CLVS1: variants seen among roughly 807,000 people sequenced by gnomAD.
The protein encoded by CLVS1 is clavesin-1.
In CLVS1, 10 loss-of-function variants were observed where a neutral mutation model predicts 33.1. That is an observed-to-expected ratio of 0.30 (90% CI 0.19 to 0.51). The LOEUF (loss-of-function observed/expected upper bound fraction) is 0.51. Ranked by LOEUF, CLVS1 falls within the 20% of genes least tolerant of loss-of-function variation. The probability of loss-of-function intolerance (pLI) is 0.97; values close to 1 mark genes in which losing one functional copy is unlikely to be tolerated. For synonymous variants in CLVS1, 163 were observed against 166.1 expected, an observed-to-expected ratio of 0.98 and a Z score of 0.14; for missense variants, 343 against 433.4, an observed-to-expected ratio of 0.79 and a Z score of 1.85.
chr8:61,204,742 G>A (rs575934032), intron 2 of CLVS1, among the ~76,000 whole-genome samples: 2 of 152,124 alleles, frequency 1.3e-5, no homozygotes, highest in Non-Finnish European at 2.9e-5. Flanking sequence ...GCTCTCACAG[G>A]TCAGGTTATT....
At chr8:60,980,932 C>T in the CLVS1 span, among the ~76,000 whole-genome samples, 6 of 152,172 alleles carry the variant, frequency 3.9e-5, no homozygotes, top group African/African-American at 1.4e-4. Flanking sequence ...AGAGGACACA[C>T]AGAAGAGGAG....
chr8:61,440,833 C>CT (rs1816512631), intron 3 of CLVS1, among the ~76,000 whole-genome samples: 1 of 152,208 alleles, frequency 6.6e-6, no homozygotes, highest in African/African-American at 2.4e-5. Flanking sequence ...TCAACAGTGC[C>CT]TTCTAGGAAC....
intron 2 of CLVS1, among the ~76,000 whole-genome samples, chr8:61,279,893 G>A (rs749542228): frequency 4.6e-5 from 7 of 152,102 alleles, no homozygotes; most frequent in Non-Finnish European, 1.0e-4. Context: ...TTGTCATTAG[G>A]AGAAATGAGA....
chr8:61,297,445 G>A (rs369658131), intron 1 of CLVS1, among the ~76,000 whole-genome samples: 6 of 152,182 alleles, frequency 3.9e-5, no homozygotes, highest in African/African-American at 9.6e-5. Flanking sequence ...GATAGTGGGC[G>A]ATAAGAGGGA....
chr8:61,482,345 G>C (rs1818225938), intron 5 of CLVS1, among the ~76,000 whole-genome samples: 1 of 152,242 alleles, frequency 6.6e-6, no homozygotes, highest in Non-Finnish European at 1.5e-5. Context: ...AAGCTGGATG[G>C]AGAATGACTT....
At chr8:61,083,757 A>T (rs1805068913) in intron 1 of CLVS1, among the ~76,000 whole-genome samples, 1 of 152,194 alleles carries the variant, frequency 6.6e-6, no homozygotes, top group Non-Finnish European at 1.5e-5. Flanking sequence ...AAATTTCAGA[A>T]GAAGAAAAAA....
intron 2 of CLVS1, among the ~76,000 whole-genome samples, chr8:61,199,561 C>T (rs1339880454): frequency 6.6e-6 from 1 of 152,102 alleles, no homozygotes; most frequent in Non-Finnish European, 1.5e-5. Flanking sequence ...AATAAGATAC[C>T]ACCTTACTCC....
the CLVS1 span, among the ~76,000 whole-genome samples, chr8:60,969,847 A>G: frequency 1.4e-4 from 22 of 152,224 alleles, no homozygotes; most frequent in Non-Finnish European, 2.6e-4. Flanking sequence ...CTATCTATAG[A>G]GCCTTTACAT....
At chr8:61,326,686 C>T (rs542589373) in intron 2 of CLVS1, among the ~76,000 whole-genome samples, 1 of 152,102 alleles carries the variant, frequency 6.6e-6, no homozygotes, top group Non-Finnish European at 1.5e-5. Context: ...CCACAGAAAC[C>T]AAATCCTCTT....
chr8:61,355,158 A>G (rs1290341972), intron 2 of CLVS1, among the ~76,000 whole-genome samples: 1 of 152,168 alleles, frequency 6.6e-6, no homozygotes, highest in African/African-American at 2.4e-5. Context: ...TTGCAGCAAC[A>G]TCAATTGGTC....
the CLVS1 span, among the ~76,000 whole-genome samples, chr8:61,015,244 G>C: frequency 1.3e-5 from 2 of 152,198 alleles, no homozygotes; most frequent in Non-Finnish European, 2.9e-5. Context: ...AAACCTATGA[G>C]GTATTTACTA....
rs751629434 is a variant in CLVS1, at chr8:61,396,594, A to G, written c.630+19815A>G. ...AAGTGCACAGTTAGTGCTTTTTGGT[A>G]TATTCACCGTTGTGTAACCATCATC... On this transcript the variant is annotated intron_variant, in intron 3 of 5. Transcript: ENST00000325897. Among the ~76,000 whole-genome samples the G allele has an allele frequency of 1.1e-3, 169 of 152,160 alleles. 1 individual carries two copies. Among genetic ancestry groups the G allele is most frequent in the Non-Finnish European group, 2.0e-3 (133 of 67,998 alleles).
intron 2 of CLVS1, among the ~76,000 whole-genome samples, chr8:61,150,259 C>T (rs1025913654): frequency 6.6e-6 from 1 of 152,250 alleles, no homozygotes; most frequent in South Asian, 2.1e-4. Flanking sequence ...CCCAGGAATG[C>T]CTCACTTCTG....
chr8:61,317,308 A>T (rs1292911887), intron 2 of CLVS1, among the ~76,000 whole-genome samples: 1 of 152,176 alleles, frequency 6.6e-6, no homozygotes, highest in East Asian at 1.9e-4. Flanking sequence ...CAAGTGAGTC[A>T]AATGCTGGGG....
chr8:61,269,894 C>T lies in CLVS1; in HGVS notation c.-151-29783C>T, dbSNP rs566098519. On this transcript the variant is annotated intron_variant, in intron 2 of 2. Transcript: ENST00000522621. ...CTGAGACTTTGCTGAAGTTGCTTAT[C>T]AGCTTAAGGAGATTTTGGGCTGAGA... Among the ~76,000 whole-genome samples the T allele has an allele frequency of 1.7e-4, 25 of 149,062 alleles. No homozygotes were observed. The East Asian group carries it at 3.5e-3, about 21-fold the overall frequency.
At chr8:61,259,014 C>T (rs1045503932) in intron 2 of CLVS1, among the ~76,000 whole-genome samples, 2 of 152,130 alleles carry the variant, frequency 1.3e-5, no homozygotes, top group Non-Finnish European at 2.9e-5. Context: ...TGCATTATTA[C>T]AGATTCCTAA....
At chr8:61,396,931 T>A (rs1253474974) in intron 3 of CLVS1, among the ~76,000 whole-genome samples, 1 of 152,218 alleles carries the variant, frequency 6.6e-6, no homozygotes, top group East Asian at 1.9e-4. Context: ...TTTATTCATT[T>A]GTCAGTTAAT....
At chr8:61,033,733 G>A in the CLVS1 span, among the ~76,000 whole-genome samples, 1 of 152,184 alleles carries the variant, frequency 6.6e-6, no homozygotes, top group African/African-American at 2.4e-5. Context: ...TGTGTCCCTG[G>A]CCACTGCTCA....
intron 2 of CLVS1, among the ~76,000 whole-genome samples, chr8:61,190,052 C>A (rs1269359461): frequency 6.6e-6 from 1 of 152,186 alleles, no homozygotes; most frequent in East Asian, 1.9e-4. Flanking sequence ...GTCTCCACCC[C>A]AAATCAACAG....
Sources: gnomAD v4.1 joint callset for allele counts (sites outside exome capture counted in the v4.1 genomes callset) on GRCh38, gnomAD v4.1.1 for gene constraint, MANE v1.5 for transcripts, NCBI Gene and HGNC (gene_info 2026-07-23, HGNC 2026-07-21) for gene names.